HS6ST3: variants seen among roughly 807,000 people sequenced by gnomAD.
HS6ST3 encodes heparan-sulfate 6-O-sulfotransferase 3.
HS6ST3 carries 12 observed loss-of-function variants against 36.7 expected under a neutral mutation model. The observed-to-expected ratio is 0.33, with a 90% CI of 0.21 to 0.53. HS6ST3 has a LOEUF of 0.53. HS6ST3 is among the 20% of genes least tolerant of loss of function. The pLI is 0.95. For synonymous variants in HS6ST3, 240 were observed against 257.5 expected, an observed-to-expected ratio of 0.93 and a Z score of 0.65; for missense variants, 584 against 640.9, an observed-to-expected ratio of 0.91 and a Z score of 0.96.
intron 1 of HS6ST3, among the ~76,000 whole-genome samples, chr13:96,140,151 A>G (rs1938583263): frequency 6.6e-6 from 1 of 152,224 alleles, no homozygotes; most frequent in South Asian, 2.1e-4. Flanking sequence ...TATTATAAAA[A>G]GTTAAAATAT....
At chr13:96,279,317 C>T (rs2054763438) in intron 1 of HS6ST3, among the ~76,000 whole-genome samples, 1 of 152,050 alleles carries the variant, frequency 6.6e-6, no homozygotes, top group Non-Finnish European at 1.5e-5. Context: ...AATTTGTTTA[C>T]TCATATATTT....
At chr13:96,565,775 A>C (rs1282610376) in intron 1 of HS6ST3, among the ~76,000 whole-genome samples, 1 of 152,150 alleles carries the variant, frequency 6.6e-6, no homozygotes, top group Admixed American at 6.5e-5. Context: ...TCAGCAGTCA[A>C]CAAACCCTGT....
At chr13:96,135,078 A>G (rs931050765) in intron 1 of HS6ST3, among the ~76,000 whole-genome samples, 5 of 152,120 alleles carry the variant, frequency 3.3e-5, no homozygotes, top group African/African-American at 1.2e-4. Context: ...TTGCTGAAGA[A>G]ACTTCTAAAA....
At chr13:96,338,116 T>C (rs1372868265) in intron 1 of HS6ST3, among the ~76,000 whole-genome samples, 1 of 152,142 alleles carries the variant, frequency 6.6e-6, no homozygotes, top group Non-Finnish European at 1.5e-5. Context: ...ATGTTTAGGT[T>C]CTTGTTTCAT....
chr13:96,759,627 C>T (rs1227245608), intron 1 of HS6ST3, among the ~76,000 whole-genome samples: 1 of 151,702 alleles, frequency 6.6e-6, no homozygotes, highest in African/African-American at 2.4e-5. Context: ...TGTTGTTAAC[C>T]ACAATATAAT....
At chr13:96,258,994 G>T (rs1181224809) in intron 1 of HS6ST3, among the ~76,000 whole-genome samples, 1 of 152,084 alleles carries the variant, frequency 6.6e-6, no homozygotes, top group African/African-American at 2.4e-5. Context: ...AGAGGTATTT[G>T]AGCTAAGTCC....
intron 1 of HS6ST3, among the ~76,000 whole-genome samples, chr13:96,250,935 T>C (rs2054604958): frequency 6.6e-6 from 1 of 152,188 alleles, no homozygotes. Flanking sequence ...GGGATAAATC[T>C]CACTTGCTGA....
chr13:96,391,496 A>G (rs1164405498), intron 1 of HS6ST3, among the ~76,000 whole-genome samples: 1 of 152,172 alleles, frequency 6.6e-6, no homozygotes, highest in Non-Finnish European at 1.5e-5. Context: ...TTCTTGCTTC[A>G]GCTCTCATAC....
intron 1 of HS6ST3, among the ~76,000 whole-genome samples, chr13:96,465,087 T>G (rs1365547712): frequency 6.6e-6 from 1 of 151,884 alleles, no homozygotes; most frequent in African/African-American, 2.4e-5. Flanking sequence ...GGGCAAAAAC[T>G]AGGAAGTTTG....
intron 1 of HS6ST3, among the ~76,000 whole-genome samples, chr13:96,342,723 G>A (rs1175882836): frequency 6.6e-6 from 1 of 152,124 alleles, no homozygotes; most frequent in Admixed American, 6.5e-5. Context: ...TTCATTTGGT[G>A]CTTAATTATC....
intron 1 of HS6ST3, among the ~76,000 whole-genome samples, chr13:96,231,738 C>A (rs1172143580): frequency 6.6e-6 from 1 of 152,040 alleles, no homozygotes; most frequent in African/African-American, 2.4e-5. Context: ...GAAAGTAGGA[C>A]GTTTTTCTGG....
At chr13:96,829,218 G>C (rs1229513914) in intron 1 of HS6ST3, among the ~76,000 whole-genome samples, 1 of 152,014 alleles carries the variant, frequency 6.6e-6, no homozygotes, top group Non-Finnish European at 1.5e-5. Context: ...CTTCAAACCT[G>C]TCCTGATGTG....
At position 96,737,314 on chromosome 13, in the gene HS6ST3, C is replaced by T. The variant is rs997629588; in HGVS notation, c.708-95176C>T. Among the ~76,000 whole-genome samples, 11 of 152,260 alleles carry T rather than the reference C, an allele frequency of 7.2e-5. No individual in the cohort carries two copies. The East Asian group carries it at 1.2e-3, about 16-fold the overall frequency. The stretch of plus-strand genomic sequence containing the variant: ...AAACATAGAATATAGAAAATCTATG[C>T]AGACATATTTCTATAAAAGAGATTA... On this transcript the variant is annotated intron_variant, in intron 1 of 1. Transcript: ENST00000376705.
chr13:96,359,119 T>C (rs1375390310), intron 1 of HS6ST3, among the ~76,000 whole-genome samples: 1 of 152,152 alleles, frequency 6.6e-6, no homozygotes, highest in African/African-American at 2.4e-5. Context: ...ATCTTTACTT[T>C]TGGGGGCAAT....
intron 1 of HS6ST3, among the ~76,000 whole-genome samples, chr13:96,823,962 A>G (rs2138544116): frequency 6.6e-6 from 1 of 152,242 alleles, no homozygotes; most frequent in African/African-American, 2.4e-5. Context: ...ATTTTCCATA[A>G]TGGTAATACA....
chr13:96,311,885 G>T (rs541417813), intron 1 of HS6ST3, among the ~76,000 whole-genome samples: 17 of 152,148 alleles, frequency 1.1e-4, no homozygotes, highest in African/African-American at 3.9e-4. Flanking sequence ...TGTGGGCTCT[G>T]GGGACATTGT....
At chr13:96,823,961 A>T (rs1878596725) in intron 1 of HS6ST3, among the ~76,000 whole-genome samples, 2 of 152,188 alleles carry the variant, frequency 1.3e-5, no homozygotes, top group Non-Finnish European at 2.9e-5. Context: ...CATTTTCCAT[A>T]ATGGTAATAC....
chr13:96,790,797 T>C (rs1438173288), intron 1 of HS6ST3, among the ~76,000 whole-genome samples: 3 of 152,084 alleles, frequency 2.0e-5, no homozygotes, highest in Non-Finnish European at 4.4e-5. Flanking sequence ...TCACAGGTGA[T>C]TCTAAGATTC....
chr13:96,791,009 A>G (rs1043122505), intron 1 of HS6ST3, among the ~76,000 whole-genome samples: 1 of 152,054 alleles, frequency 6.6e-6, no homozygotes, highest in African/African-American at 2.4e-5. Flanking sequence ...TAGTGTTTCT[A>G]GAGATCTTTT....
Sources: gnomAD v4.1 joint callset for allele counts (sites outside exome capture counted in the v4.1 genomes callset) on GRCh38, gnomAD v4.1.1 for gene constraint, MANE v1.5 for transcripts, NCBI Gene and HGNC (gene_info 2026-07-23, HGNC 2026-07-21) for gene names.